The following NTM variants were observed in gnomAD, a reference collection of about 807,000 sequenced individuals.
The protein encoded by NTM is neurotrimin, also known as IgLON family member 2.
Under a neutral mutation model 42.1 loss-of-function variants are expected in NTM, and 13 were observed. The ratio of observed to expected loss-of-function variants is 0.31; its 90% CI spans 0.20 to 0.49. The LOEUF (loss-of-function observed/expected upper bound fraction) is 0.49. NTM is among the 20% of genes least tolerant of loss of function. The probability of loss-of-function intolerance (pLI) is 0.99; values close to 1 mark genes in which losing one functional copy is unlikely to be tolerated. For synonymous variants in NTM, 187 were observed against 179.2 expected (o/e 1.04, Z -0.35); for missense variants, 373 against 452.8 (o/e 0.82, Z 1.60).
intron 2 of NTM, among the ~76,000 whole-genome samples, chr11:132,085,363 T>C (rs972295079): frequency 1.3e-5 from 2 of 152,194 alleles, no homozygotes; most frequent in Admixed American, 1.3e-4. Context: ...TTACTCCTTC[T>C]TGCATGGTGA....
intron 2 of NTM, among the ~76,000 whole-genome samples, chr11:132,081,741 T>TAGAAGCC (rs1426546291): frequency 6.7e-6 from 1 of 149,024 alleles, no homozygotes; most frequent in Non-Finnish European, 1.5e-5. Context: ...AAAAAAAAGA[T>TAGAAGCC]AGAAGCCAGA....
intron 1 of NTM, among the ~76,000 whole-genome samples, chr11:131,403,928 T>C (rs1945525421): frequency 1.3e-5 from 2 of 152,142 alleles, no homozygotes; most frequent in Admixed American, 1.3e-4. Context: ...GCCTCTCCTC[T>C]CTCCCCTCAA....
At chr11:131,639,844 T>C (rs1472174929) in intron 1 of NTM, among the ~76,000 whole-genome samples, 1 of 151,912 alleles carries the variant, frequency 6.6e-6, no homozygotes, top group East Asian at 1.9e-4. Context: ...TAGTCCCAGC[T>C]ACTTGAGAGG....
chr11:132,282,586 A>G (rs897576036), intron 4 of NTM, among the ~76,000 whole-genome samples: 7 of 152,202 alleles, frequency 4.6e-5, no homozygotes, highest in Non-Finnish European at 8.8e-5. Context: ...AAAATATCTC[A>G]TTGCCCAAAC....
At chr11:131,737,131 G>A (rs1038293386) in intron 1 of NTM, among the ~76,000 whole-genome samples, 5 of 152,158 alleles carry the variant, frequency 3.3e-5, no homozygotes, top group Admixed American at 6.5e-5. Flanking sequence ...ACAGTTACTG[G>A]GTTCTGATGG....
Position 131,697,702 on chromosome 11 carries a change from T to C in NTM, c.83-213862T>C, listed in dbSNP as rs141702444. Among the ~76,000 whole-genome samples, 817 of 152,340 alleles carry C rather than the reference T, an allele frequency of 5.4e-3. 29 individuals carry two copies. Among genetic ancestry groups the C allele is most frequent in the Admixed American group, 0.051 (785 of 15,304 alleles). On this transcript the variant is annotated intron_variant, in intron 1 of 8. Transcript: ENST00000683400. ...TATACTAGGAATGTACTTTTCAATG[T>C]CCTTTAATTTATGTATTTGATTCTT...
intron 1 of NTM, among the ~76,000 whole-genome samples, chr11:131,550,224 A>C (rs1038467351): frequency 6.6e-6 from 1 of 152,228 alleles, no homozygotes; most frequent in Non-Finnish European, 1.5e-5. Flanking sequence ...AATTGGGAGG[A>C]TTGCTTGAGC....
At chr11:131,542,292 G>T (rs896981972) in intron 1 of NTM, among the ~76,000 whole-genome samples, 1 of 152,152 alleles carries the variant, frequency 6.6e-6, no homozygotes, top group Non-Finnish European at 1.5e-5. Context: ...TGCCTAACAG[G>T]TCACTAGCCT....
chr11:132,008,266 T>G (rs888466247), intron 2 of NTM, among the ~76,000 whole-genome samples: 1 of 152,166 alleles, frequency 6.6e-6, no homozygotes, highest in African/African-American at 2.4e-5. Context: ...TTTGCATTTG[T>G]AAAATTCTAT....
chr11:132,307,953 A>G (rs1225388149), intron 5 of NTM, 130 bp downstream of exon 5: 1 of 790,440 alleles, frequency 1.3e-6, no homozygotes, highest in Non-Finnish European at 1.9e-6. Context: ...CACTTTCCAC[A>G]CTCTGCTTTC....
chr11:131,756,996 G>A (rs1215681285), intron 1 of NTM, among the ~76,000 whole-genome samples: 1 of 152,202 alleles, frequency 6.6e-6, no homozygotes, highest in Non-Finnish European at 1.5e-5. Context: ...ATGTGGCTTA[G>A]AGCAAGGGCC....
chr11:131,848,141 C>T (rs1257767709), intron 1 of NTM, among the ~76,000 whole-genome samples: 1 of 152,090 alleles, frequency 6.6e-6, no homozygotes, highest in African/African-American at 2.4e-5. Flanking sequence ...TTCTAAAGTT[C>T]AGATATAAAG....
At chr11:132,188,212 C>T (rs2078736638) in intron 3 of NTM, among the ~76,000 whole-genome samples, 3 of 152,112 alleles carry the variant, frequency 2.0e-5, no homozygotes, top group Admixed American at 2.0e-4. Context: ...CACAGGACAG[C>T]CCCACACAAC....
At chr11:131,824,443 A>C (rs1045153042) in intron 1 of NTM, among the ~76,000 whole-genome samples, 4 of 152,216 alleles carry the variant, frequency 2.6e-5, no homozygotes, top group African/African-American at 9.6e-5. Context: ...CAAGATGGAC[A>C]CATAAGATAA....
chr11:131,499,074 A>T (rs1261886516), intron 1 of NTM, among the ~76,000 whole-genome samples: 1 of 152,124 alleles, frequency 6.6e-6, no homozygotes, highest in East Asian at 1.9e-4. Context: ...TTAAACAATA[A>T]AGCACAGTGA....
intron 1 of NTM, among the ~76,000 whole-genome samples, chr11:131,418,795 C>T (rs886682463): frequency 5.3e-5 from 8 of 152,162 alleles, no homozygotes; most frequent in African/African-American, 1.7e-4. Flanking sequence ...AAACAGATCA[C>T]CAAGGTTTTG....
intron 1 of NTM, among the ~76,000 whole-genome samples, chr11:131,691,208 C>T (rs2074647829): frequency 6.6e-6 from 1 of 152,192 alleles, no homozygotes; most frequent in Non-Finnish European, 1.5e-5. Flanking sequence ...GGCCCGTCCC[C>T]CCGCAGTGCC....
At chr11:132,310,074 A>T in intron 5 of NTM, 38 bp from the exon 6 acceptor site, 4 of 1,504,884 alleles carry the variant, frequency 2.7e-6, no homozygotes, top group Non-Finnish European at 3.5e-6. Flanking sequence ...AAAAAAAAAA[A>T]GGTGGGGGGG....
chr11:131,869,353 T>C (rs1357902418), intron 1 of NTM, among the ~76,000 whole-genome samples: 1 of 152,222 alleles, frequency 6.6e-6, no homozygotes, highest in African/African-American at 2.4e-5. Flanking sequence ...CCAGTCATTG[T>C]GTGATTTACA....
Sources: gnomAD v4.1 joint callset for allele counts (sites outside exome capture counted in the v4.1 genomes callset) on GRCh38, gnomAD v4.1.1 for gene constraint, MANE v1.5 for transcripts, NCBI Gene and HGNC (gene_info 2026-07-23, HGNC 2026-07-21) for gene names.